The following DESI1 variants were observed in gnomAD, a reference collection of about 807,000 sequenced individuals.
DESI1 encodes the protein PPPDE peptidase domain containing 2.
A neutral mutation model predicts 22.4 loss-of-function variants in DESI1; 17 were observed. The ratio of observed to expected loss-of-function variants is 0.76; its 90% CI spans 0.52 to 1.14. The LOEUF (loss-of-function observed/expected upper bound fraction) is 1.14, where lower values mean the gene tolerates loss of function less well. Ranked by LOEUF, DESI1 falls within the 50% of genes most tolerant of loss-of-function variation. The pLI is 0.00. For synonymous variants in DESI1, 92 were observed against 84.2 expected (o/e 1.09, Z -0.51); for missense variants, 177 against 208.9 (o/e 0.85, Z 0.94).
chr22:41,610,269 C>T (rs1258817331), intron 1 of DESI1, among the ~76,000 whole-genome samples: 1 of 151,228 alleles, frequency 6.6e-6, no homozygotes, highest in Non-Finnish European at 1.5e-5. Context: ...ATCCCAGCTA[C>T]TCGGGAAGCT....
intron 3 of DESI1, 25 bp from the exon 4 acceptor site, chr22:41,604,178 T>A (rs373242686): frequency 6.2e-7 from 1 of 1,606,388 alleles, no homozygotes; most frequent in African/African-American, 1.3e-5. Context: ...CCAAAGGAAG[T>A]CATTAAGTTA....
chr22:41,610,665 G>A (rs574320419), intron 1 of DESI1, among the ~76,000 whole-genome samples: 68 of 151,872 alleles, frequency 4.5e-4, no homozygotes, highest in Admixed American at 2.0e-3. Context: ...CTGAGGTCAG[G>A]AGTTTGAGAT....
At chr22:41,609,018 T>C (rs2067500070) in intron 1 of DESI1, among the ~76,000 whole-genome samples, 2 of 152,148 alleles carry the variant, frequency 1.3e-5, no homozygotes, top group South Asian at 4.1e-4. Context: ...CTCGGCTCAT[T>C]GCAACCTCTG....
At chr22:41,603,121 C>T in intron 5 of DESI1, 138 bp downstream of exon 5, 2 of 1,284,058 alleles carry the variant, frequency 1.6e-6, no homozygotes, top group Non-Finnish European at 2.2e-6. Context: ...AGAATGGCAG[C>T]CTTCTGTGTT....
chr22:41,610,525 A>G (rs1313454036), intron 1 of DESI1, among the ~76,000 whole-genome samples: 1 of 152,214 alleles, frequency 6.6e-6, no homozygotes, highest in East Asian at 1.9e-4. Flanking sequence ...GCTAAATGGA[A>G]TAACAAGAAA....
intron 1 of DESI1, among the ~76,000 whole-genome samples, chr22:41,618,936 C>T (rs2067565682): frequency 1.3e-5 from 2 of 152,076 alleles, no homozygotes; most frequent in South Asian, 2.1e-4. Context: ...TGGTGGCGGG[C>T]GCCTGTAGTC....
chr22:41,620,667 G>C (rs1447998046), intron 1 of DESI1, 85 bp downstream of exon 1: 1 of 1,330,796 alleles, frequency 7.5e-7, no homozygotes, highest in Admixed American at 2.2e-5. Flanking sequence ...CCCGTGAGTC[G>C]TGGCCCAAGT....
In DESI1 at chr22:41,607,267, G is replaced by A. The variant is rs749752734; in HGVS notation, c.175C>T (p.Pro59Ser). Reference protein sequence around the residue: ...FFGSGGISSCPPGGTLLGPPD... With the variant: ...FFGSGGISSCSPGGTLLGPPD... ...GTGTAGGGGAAGACACTCACCGGGG[G>A]GCAGCTGGAGATACCACCACTGCCG... Residue 59 changes from proline (P) to serine (S), a missense_variant, in exon 3 of 6, where the codon CCC (proline) becomes TCC (serine). Transcript: ENST00000263256. 5 of 1,609,254 alleles carry A rather than the reference G, an allele frequency of 3.1e-6. No individual in the cohort carries two copies. Among genetic ancestry groups the A allele is most frequent in the Admixed American group, 1.7e-5 (1 of 59,476 alleles).
chr22:41,601,826 G>A (rs1328248343), intron 5 of DESI1, among the ~76,000 whole-genome samples: 1 of 152,140 alleles, frequency 6.6e-6, no homozygotes, highest in African/African-American at 2.4e-5. Flanking sequence ...CAATTCTCCT[G>A]CCTCAGCCTC....
rs1453125000 is a variant in DESI1 at position 41,598,420 on chromosome 22, T to C, written c.*2677A>G. 6.6e-6 allele frequency: 1 copy of C among 152,178 alleles called. No individual in the cohort carries two copies. Among genetic ancestry groups the C allele is most frequent in the Non-Finnish European group, 1.5e-5 (1 of 68,042 alleles). The allele number at this position is 152,178 out of a possible 1,614,324, so 9.4% of individuals were successfully genotyped here. ...TGGGGCTCCCATTGGGAGGGAGAGC[T>C]TGCCTTCCCATGGAGCTCTGGGAAA... On this transcript the variant is annotated 3_prime_UTR_variant, in exon 6 of 6. Coordinates refer to ENST00000263256, the MANE Select transcript of DESI1 (RefSeq NM_015704.3).
At position 41,598,514 on chromosome 22, in the gene DESI1, A is replaced by G. The variant is rs1003191997; in HGVS notation, c.*2583T>C. ...ACAGGCAATGGCACAAATGGCTGCTAGTATAAAGGGGGGTGCTGTTCAAGG... is the reference window on the plus strand; with the variant it reads ...ACAGGCAATGGCACAAATGGCTGCTGGTATAAAGGGGGGTGCTGTTCAAGG... On this transcript the variant is annotated 3_prime_UTR_variant, in exon 6 of 6. Transcript: ENST00000263256. 1 of 152,286 alleles carries G rather than the reference A, an allele frequency of 6.6e-6. No homozygotes were observed. Among genetic ancestry groups the G allele is most frequent in the Non-Finnish European group, 1.5e-5 (1 of 68,106 alleles). 9.4% of individuals were successfully genotyped at this position (152,286 alleles called of 1,614,324 possible).
rs2067445654 is a variant in DESI1 at position 41,600,859 on chromosome 22, G to A, written c.*238C>T. The A allele has an allele frequency of 8.6e-6, 4 of 463,308 alleles. No homozygotes were observed. The highest frequency in any genetic ancestry group is 7.0e-5 in the South Asian group (3 of 42,614). The allele number at this position is 463,308 out of a possible 1,614,324, so 28.7% of individuals were successfully genotyped here. On this transcript the variant is annotated 3_prime_UTR_variant, in exon 6 of 6. Coordinates refer to ENST00000263256, the MANE Select transcript of DESI1 (RefSeq NM_015704.3). ...TTAGGAAACAGCATCCGAAGTGAAC[G>A]CACAGACAAGACAGCCTTAATAAAT...
At chr22:41,603,062 G>A (rs2067458407) in intron 5 of DESI1, 197 bp downstream of exon 5, 1 of 820,398 alleles carries the variant, frequency 1.2e-6, no homozygotes, top group East Asian at 2.8e-5. Context: ...GGCAGAGCTG[G>A]TCTAGCTCTG....
chr22:41,598,682 G>A lies in DESI1; in HGVS notation c.*2415C>T, dbSNP rs2067433657. 6.6e-6 allele frequency: 1 copy of A among 152,364 alleles called. No homozygotes were observed. Among genetic ancestry groups the A allele is most frequent in the African/African-American group, 2.4e-5 (1 of 41,452 alleles). 9.4% of individuals were successfully genotyped at this position (152,364 alleles called of 1,614,324 possible). A position where few individuals can be genotyped will look rare whatever the true frequency, so the allele number is the denominator to read the frequency against. ...GATGCCCAGAACCCCCTGGATGGAG[G>A]GGAGACCCCAGGCAGAGGGGTCTGG... On this transcript the variant is annotated 3_prime_UTR_variant, in exon 6 of 6. Transcript: ENST00000263256.
At position 41,603,297 on chromosome 22, in the gene DESI1, A is replaced by G; in HGVS notation, c.375T>C (p.Pro125=). The part of the protein sequence containing the change: ...VAQFLTGRKI[P]SYITDLPSEV... ...CAGAGGGCAGGTCTGTGATGTAAGAAGGAATCTTCCGCCCAGTCAGGAACT... is the reference window on the plus strand; with the variant it reads ...CAGAGGGCAGGTCTGTGATGTAAGAGGGAATCTTCCGCCCAGTCAGGAACT... Residue 125 remains proline, a synonymous_variant, in exon 5 of 6, where the codon CCT becomes CCC. Transcript: ENST00000263256. 6.2e-7 allele frequency: 1 copy of G among 1,614,258 alleles called. No homozygotes were observed. Among genetic ancestry groups the G allele is most frequent in the Non-Finnish European group, 8.5e-7 (1 of 1,180,052 alleles).
chr22:41,607,231 T>C, intron 3 of DESI1, 31 bp downstream of exon 3: 5 of 1,571,998 alleles, frequency 3.2e-6, no homozygotes, highest in Non-Finnish European at 4.3e-6. Flanking sequence ...AACCTGAGAC[T>C]GCAGGACAGA....
intron 1 of DESI1, among the ~76,000 whole-genome samples, chr22:41,614,684 A>C (rs1241726328): frequency 2.1e-5 from 3 of 144,180 alleles, no homozygotes; most frequent in Admixed American, 7.1e-5. Flanking sequence ...CTCCGAGTTC[A>C]AGCGATTCTC....
Position 41,620,697 on chromosome 22 carries a change from G to T in DESI1, c.88+55C>A, listed in dbSNP as rs753180689. 1,147 of 1,537,174 alleles carry T rather than the reference G, an allele frequency of 7.5e-4. 3 individuals carry two copies. Among genetic ancestry groups the T allele is most frequent in the Non-Finnish European group, 9.4e-4 (1,068 of 1,134,080 alleles). On this transcript the variant is annotated intron_variant, in intron 1 of 5. Coordinates refer to ENST00000263256, the MANE Select transcript of DESI1 (RefSeq NM_015704.3). ...CCAAGTCTCCCCACCTCGGCCAGCC[G>T]CCACCCTCTGGCCTGGCTCCCGCCC...
In DESI1 at chr22:41,601,106, G is replaced by T; in HGVS notation, c.498C>A (p.Gly166=). The change falls in exon 6 of 6, where the codon GGC becomes GGA. Residue 166 remains glycine, a synonymous_variant. Transcript: ENST00000263256. ...GTCCCAGGCAGTCCTGTTAGCTCTG[G>T]CCGTTGGGTCTGCCCACGGAGCTCC... ...PGGSSVGRPN[G]QS 6.2e-7 allele frequency: 1 copy of T among 1,613,248 alleles called. No homozygotes were observed. The highest frequency in any genetic ancestry group is 8.5e-7 in the Non-Finnish European group (1 of 1,179,716).
Sources: allele counts gnomAD v4.1 joint callset (sites outside exome capture counted in the v4.1 genomes callset), GRCh38; gene constraint gnomAD v4.1.1; transcripts MANE v1.5; gene names NCBI Gene and HGNC (gene_info 2026-07-23, HGNC 2026-07-21).